The following TMEM177 variants were observed in gnomAD, a reference collection of about 807,000 sequenced individuals.
TMEM177 encodes transmembrane protein 177.
A neutral mutation model predicts 14.2 loss-of-function variants in TMEM177; 4 were observed. That is an observed-to-expected ratio of 0.28 (90% CI 0.14 to 0.64). TMEM177 has a LOEUF of 0.64. Among genes scored for constraint, TMEM177 ranks in the 30% least tolerant of loss-of-function variants. TMEM177 has a pLI of 0.82. For synonymous variants in TMEM177, 179 were observed against 174.5 expected, an observed-to-expected ratio of 1.03 and a Z score of -0.20; for missense variants, 344 against 405.2, an observed-to-expected ratio of 0.85 and a Z score of 1.30.
the TMEM177 span, among the ~76,000 whole-genome samples, chr2:119,708,791 C>G: frequency 6.6e-6 from 1 of 152,132 alleles, no homozygotes; most frequent in East Asian, 1.9e-4. Flanking sequence ...AGGGCACACA[C>G]CCTCTCCTCC....
chr2:119,712,336 C>T, the TMEM177 span, among the ~76,000 whole-genome samples: 5 of 152,182 alleles, frequency 3.3e-5, no homozygotes, highest in Middle Eastern at 6.8e-3. Context: ...TGATGGGTTG[C>T]CTTGTGTCCC....
At chr2:119,699,841 CA>C in the TMEM177 span, 1 of 398,148 alleles carries the variant, frequency 2.5e-6, no homozygotes, top group East Asian at 6.9e-5. Context: ...AGGCTGGACA[CA>C]AGGTCAGTGG....
rs746087035 is a variant in TMEM177, at chr2:119,681,733, C to T, written c.880C>T (p.Arg294Cys). The T allele has an allele frequency of 7.4e-6, 12 of 1,614,042 alleles. No individual in the cohort carries two copies. Among genetic ancestry groups the T allele is most frequent in the Admixed American group, 1.7e-5 (1 of 60,000 alleles). The stretch of plus-strand genomic sequence containing the variant: ...AATCAAACATTTACCCTACACCACC[C>T]GCCGGGACTCTGTGCTGCAGATGTG... ...FRIKHLPYTT[R>C]RDSVLQMWRG... Residue 294 changes from arginine (R) to cysteine (C), a missense_variant, in exon 2 of 2, where the codon CGC becomes TGC. By Grantham distance (180) the Arg-to-Cys change is radical. Transcript: ENST00000272521.
chr2:119,721,867 G>A, the TMEM177 span, among the ~76,000 whole-genome samples: 8 of 152,228 alleles, frequency 5.3e-5, no homozygotes, highest in African/African-American at 1.7e-4. Context: ...TATTGTGCCC[G>A]CTTATGTCAT....
downstream of TMEM177, among the ~76,000 whole-genome samples, chr2:119,682,611 G>C (rs1347251297): frequency 1.3e-5 from 2 of 152,136 alleles, no homozygotes; most frequent in Non-Finnish European, 2.9e-5. Flanking sequence ...TGAGGGGAGG[G>C]GAGGTGTTCC....
At chr2:119,719,017 GCTC>G in the TMEM177 span, among the ~76,000 whole-genome samples, 2 of 152,178 alleles carry the variant, frequency 1.3e-5, no homozygotes, top group African/African-American at 4.8e-5. Flanking sequence ...TTTCTAACAA[GCTC>G]CTGGGTGATG....
chr2:119,705,619 C>CGTGTGTGTGTGTGTGT, the TMEM177 span, among the ~76,000 whole-genome samples: 58 of 139,258 alleles, frequency 4.2e-4, no homozygotes, highest in East Asian at 8.5e-4. Context: ...CACTCAGATC[C>CGTGTGTGTGTGTGTGT]GTGTGTGTGT....
the TMEM177 span, among the ~76,000 whole-genome samples, chr2:119,715,033 G>T: frequency 6.6e-6 from 1 of 152,100 alleles, no homozygotes; most frequent in Non-Finnish European, 1.5e-5. Context: ...AGCTCCCATT[G>T]TCATGACCCC....
the TMEM177 span, chr2:119,698,922 A>C: frequency 6.5e-6 from 1 of 153,064 alleles, no homozygotes; most frequent in Non-Finnish European, 1.5e-5. Context: ...GCTTGAACCC[A>C]GGAGACGGAG....
chr2:119,718,931 C>T, the TMEM177 span, among the ~76,000 whole-genome samples: 82 of 152,304 alleles, frequency 5.4e-4, 1 homozygote, highest in African/African-American at 1.8e-3. Flanking sequence ...CGAACTTTAA[C>T]GTGTGAGTGT....
chr2:119,706,123 A>G, the TMEM177 span, among the ~76,000 whole-genome samples: 33 of 151,520 alleles, frequency 2.2e-4, no homozygotes, highest in Admixed American at 2.1e-3. Context: ...TCCCAGGTTC[A>G]AGCAATTCTC....
At chr2:119,706,056 G>A in the TMEM177 span, among the ~76,000 whole-genome samples, 104 of 75,852 alleles carry the variant, frequency 1.4e-3, no homozygotes, top group African/African-American at 4.7e-3. Context: ...GCAGAGTCTC[G>A]CTCTGTCACC....
At chr2:119,696,257 G>A in the TMEM177 span, among the ~76,000 whole-genome samples, 3 of 152,206 alleles carry the variant, frequency 2.0e-5, no homozygotes, top group Non-Finnish European at 4.4e-5. Context: ...AGAACCAAGG[G>A]AAGAGTGTAG....
the TMEM177 span, among the ~76,000 whole-genome samples, chr2:119,701,113 C>T: frequency 2.0e-5 from 3 of 152,218 alleles, no homozygotes; most frequent in African/African-American, 7.2e-5. Context: ...TCCCCCATCC[C>T]TCCCACCTCC....
the TMEM177 span, among the ~76,000 whole-genome samples, chr2:119,721,837 G>A: frequency 6.6e-6 from 1 of 152,162 alleles, no homozygotes; most frequent in African/African-American, 2.4e-5. Context: ...ATATGGAATT[G>A]ATGACCATTC....
chr2:119,685,570 A>G (rs1327703974), downstream of TMEM177: 4 of 700,716 alleles, frequency 5.7e-6, no homozygotes, highest in South Asian at 6.1e-5. Context: ...ATTATCCTCC[A>G]GACACTGTGC....
chr2:119,687,175 G>C (rs1029264819), downstream of TMEM177, among the ~76,000 whole-genome samples: 1 of 152,094 alleles, frequency 6.6e-6, no homozygotes, highest in African/African-American at 2.4e-5. Flanking sequence ...CTTGAAGCAC[G>C]TTGCCATGTT....
chr2:119,716,594 T>C, the TMEM177 span, among the ~76,000 whole-genome samples: 1 of 152,156 alleles, frequency 6.6e-6, no homozygotes, highest in Admixed American at 6.5e-5. Context: ...TTGTGTTGAC[T>C]TGGAGCTCCA....
the TMEM177 span, among the ~76,000 whole-genome samples, chr2:119,701,429 C>A: frequency 9.9e-5 from 15 of 151,474 alleles, no homozygotes; most frequent in African/African-American, 3.6e-4. Context: ...GGCAGGACCG[C>A]GAGTGGGTTG....
Sources: allele counts gnomAD v4.1 joint callset (sites outside exome capture counted in the v4.1 genomes callset), GRCh38; gene constraint gnomAD v4.1.1; transcripts MANE v1.5; gene names NCBI Gene and HGNC (gene_info 2026-07-23, HGNC 2026-07-21).